The following DNAJC13 variants were observed in gnomAD, a reference collection of about 807,000 sequenced individuals.
DNAJC13 encodes the protein dnaJ homolog subfamily C member 13.
In DNAJC13, 75 loss-of-function variants were observed where a neutral mutation model predicts 290.5. That is an observed-to-expected ratio of 0.26 (90% CI 0.21 to 0.31). The LOEUF (loss-of-function observed/expected upper bound fraction) is 0.31. DNAJC13 is among the 10% of genes least tolerant of loss of function. The pLI, the probability that DNAJC13 is intolerant of heterozygous loss-of-function variation, is 1.00. For synonymous variants in DNAJC13, 862 were observed against 892.0 expected (o/e 0.97, Z 0.60); for missense variants, 2,260 against 2,674.5 (o/e 0.85, Z 3.42).
chr3:132,494,678 A>G (rs962018385), intron 34 of DNAJC13, among the ~76,000 whole-genome samples: 1 of 152,172 alleles, frequency 6.6e-6, no homozygotes, highest in East Asian at 1.9e-4. Context: ...GAAGTTTTAT[A>G]GTAGACTATG....
chr3:132,503,430 T>C (rs1194743165), intron 41 of DNAJC13, 49 bp downstream of exon 41: 1 of 1,601,602 alleles, frequency 6.2e-7, no homozygotes, highest in Non-Finnish European at 8.5e-7. Context: ...TGCAAGATCC[T>C]TTAAGCAGTA....
intron 6 of DNAJC13, among the ~76,000 whole-genome samples, chr3:132,452,232 G>T (rs1029054645): frequency 5.9e-5 from 9 of 152,170 alleles, no homozygotes; most frequent in Admixed American, 1.3e-4. Context: ...CCAACATTTT[G>T]TATTACTTGG....
At position 132,475,157 on chromosome 3, in the gene DNAJC13, T is replaced by A. The variant is rs11920646; in HGVS notation, c.2445+72T>A. On this transcript the variant is annotated intron_variant, in intron 22 of 55. Coordinates refer to ENST00000260818, the MANE Select transcript of DNAJC13 (RefSeq NM_015268.4). ...GTACTATTTGGGGAGTGATTTTTTT[T>A]AAAAAAATTTGTAATTACATATCTG... The A allele has an allele frequency of 0.11, 135,800 of 1,219,252 alleles. 7,981 individuals are homozygous for A. Among genetic ancestry groups the A allele is most frequent in the Middle Eastern group, 0.16 (617 of 3,900 alleles). 75.5% of individuals were successfully genotyped at this position (1,219,252 alleles called of 1,614,324 possible).
At chr3:132,514,730 T>C (rs917416162) in intron 46 of DNAJC13, 60 bp downstream of exon 46, 9 of 1,220,418 alleles carry the variant, frequency 7.4e-6, no homozygotes, top group African/African-American at 6.0e-5. Flanking sequence ...AAAGGAGTTG[T>C]TGCATAGTTG....
chr3:132,502,215 C>A, intron 39 of DNAJC13, 74 bp from the exon 40 acceptor site: 3 of 1,357,526 alleles, frequency 2.2e-6, no homozygotes, highest in Non-Finnish European at 2.0e-6. Context: ...ACATGCACAA[C>A]CAGTTCCTCT....
At chr3:132,460,152 T>G in intron 13 of DNAJC13, 98 bp from the exon 14 acceptor site, 1 of 686,598 alleles carries the variant, frequency 1.5e-6, no homozygotes, top group Non-Finnish European at 2.3e-6. Context: ...TTTAATTCTT[T>G]CAATGTGTAA....
At chr3:132,499,057 A>G (rs1214177137) in intron 36 of DNAJC13, 69 bp from the exon 37 acceptor site, 2 of 1,353,118 alleles carry the variant, frequency 1.5e-6, no homozygotes, top group Non-Finnish European at 1.0e-6. Context: ...TGAACATGGT[A>G]TCAAAATTGA....
chr3:132,514,819 T>G, intron 46 of DNAJC13, 149 bp downstream of exon 46: 1 of 627,106 alleles, frequency 1.6e-6, no homozygotes. Context: ...CTAATAATGT[T>G]TTACATACGT....
chr3:132,481,796 CTTAG>C lies in DNAJC13; in HGVS notation c.2875-427_2875-424del, dbSNP rs368709545. Among the ~76,000 whole-genome samples, 5 of 152,254 alleles carry C rather than the reference CTTAG, an allele frequency of 3.3e-5. No individual in the cohort carries two copies. In the East Asian group the frequency reaches 9.6e-4, roughly 29 times the overall value. ...TTGATCTCAGATACTTATTGGAACT[CTTAG>C]TTGGAGTGAGTTTTTCCCCCAAAAT... On this transcript the variant is annotated intron_variant, in intron 26 of 55. Coordinates refer to ENST00000260818, the MANE Select transcript of DNAJC13 (RefSeq NM_015268.4).
chr3:132,460,386 G>T (rs757243300), intron 14 of DNAJC13, 29 bp downstream of exon 14: 2 of 1,464,108 alleles, frequency 1.4e-6, no homozygotes, highest in African/African-American at 2.8e-5. Flanking sequence ...TGTCTTCATG[G>T]TAGATACCAT....
At chr3:132,461,635 T>C (rs566781929) in intron 15 of DNAJC13, among the ~76,000 whole-genome samples, 1 of 152,342 alleles carries the variant, frequency 6.6e-6, no homozygotes, top group South Asian at 2.1e-4. Context: ...TTGATGGGTG[T>C]TCACTGCTGT....
intron 1 of DNAJC13, among the ~76,000 whole-genome samples, chr3:132,427,259 C>A (rs539164240): frequency 6.6e-6 from 1 of 151,830 alleles, no homozygotes; most frequent in South Asian, 2.1e-4. Context: ...CCTCAGCCCC[C>A]CAAGTAGCTG....
intron 22 of DNAJC13, among the ~76,000 whole-genome samples, chr3:132,476,390 T>G (rs938496571): frequency 2.0e-5 from 3 of 152,196 alleles, no homozygotes; most frequent in African/African-American, 7.2e-5. Flanking sequence ...TTTTAGCAAA[T>G]TCCATACAGT....
At chr3:132,467,362 G>T in intron 20 of DNAJC13, 49 bp downstream of exon 20, 1 of 1,596,414 alleles carries the variant, frequency 6.3e-7, no homozygotes, top group Non-Finnish European at 8.6e-7. Flanking sequence ...GTGTGTCCTA[G>T]TCTACTTTAG....
rs771884701 is a variant in DNAJC13, at chr3:132,462,506, A to T, written c.1753A>T (p.Met585Leu). Reference sequence around the variant, plus strand: ...AATAATAAAAGGAGCTGGGTTGGTTATGAAGGCAATAATAGAGGTGAGAGA... The same window carrying T: ...AATAATAAAAGGAGCTGGGTTGGTTTTGAAGGCAATAATAGAGGTGAGAGA... Reference protein sequence around the residue: ...MAIIKGAGLVMKAIIEEGDKE... With the variant: ...MAIIKGAGLVLKAIIEEGDKE... Residue 585 changes from methionine to leucine, a missense_variant, in exon 16 of 56, where the codon ATG becomes TTG. Around this residue, in one of 3 missense-constraint regions of DNAJC13, gnomAD observed 762 missense variants for 964.1 expected, o/e 0.79. Transcript: ENST00000260818. 4.3e-6 allele frequency: 7 copies of T among 1,610,018 alleles called. No individual in the cohort carries two copies. The highest frequency in any genetic ancestry group is 5.9e-6 in the Non-Finnish European group (7 of 1,178,544).
At chr3:132,472,277 T>A (rs890275089) in intron 20 of DNAJC13, among the ~76,000 whole-genome samples, 1 of 152,172 alleles carries the variant, frequency 6.6e-6, no homozygotes, top group African/African-American at 2.4e-5. Context: ...TAACCTCTGG[T>A]CCATGTACAG....
Position 132,480,414 on chromosome 3 carries a change from G to T in DNAJC13, c.2818G>T (p.Val940Leu). 1 of 1,613,634 alleles carries T rather than the reference G, an allele frequency of 6.2e-7. No homozygotes were observed. Among genetic ancestry groups the T allele is most frequent in the Non-Finnish European group, 8.5e-7 (1 of 1,179,698 alleles). The change falls in exon 26 of 56, where the codon GTG becomes TTG. Residue 940 changes from valine to leucine, a missense_variant. By Grantham distance (32) the Val-to-Leu change is conservative. Transcript: ENST00000260818. ...GGATTCAAATGGAATAAGAATCCTTGTGGACTTGCTTACCCTTGCACATCT... is the reference window on the plus strand; with the variant it reads ...GGATTCAAATGGAATAAGAATCCTTTTGGACTTGCTTACCCTTGCACATCT... ...LMDSNGIRIL[V>L]DLLTLAHLHV...
intron 9 of DNAJC13, 25 bp downstream of exon 9, chr3:132,454,182 G>C: frequency 3.9e-6 from 6 of 1,539,194 alleles, no homozygotes; most frequent in Non-Finnish European, 5.3e-6. Context: ...TTAAGTTTTT[G>C]AAATCCTAGT....
intron 1 of DNAJC13, among the ~76,000 whole-genome samples, chr3:132,421,735 T>C (rs1169610353): frequency 6.6e-6 from 1 of 152,068 alleles, no homozygotes; most frequent in Non-Finnish European, 1.5e-5. Context: ...CCACCATGCC[T>C]GGCCCATTTT....
Sources: allele counts gnomAD v4.1 joint callset (sites outside exome capture counted in the v4.1 genomes callset), GRCh38; gene constraint gnomAD v4.1.1; regional missense constraint gnomAD v4.1.1; transcripts MANE v1.5; gene names NCBI Gene and HGNC (gene_info 2026-07-23, HGNC 2026-07-21).